STK10: variants seen among roughly 807,000 people sequenced by gnomAD.
STK10 encodes serine/threonine kinase 10, also known as serine/threonine-protein kinase 10.
A neutral mutation model predicts 113.8 loss-of-function variants in STK10; 78 were observed. The observed-to-expected ratio is 0.69, with a 90% confidence interval of 0.57 to 0.83. STK10 has a LOEUF of 0.83. STK10 is among the 40% of genes least tolerant of loss of function. STK10 has a pLI of 0.00. For missense variants in STK10, 1,109 were observed against 1,280.1 expected (o/e 0.87, Z 2.04); for synonymous variants, 465 against 494.7 (o/e 0.94, Z 0.80).
Position 172,057,431 on chromosome 5 carries a change from T to G in STK10, c.2255A>C (p.Gln752Pro). Reference protein sequence around the residue: ...ALWEMEEHQLQERHQLVKQQL... With the variant: ...ALWEMEEHQLPERHQLVKQQL... ...CTGCTTCACCAGCTGGTGCCTCTCC[T>G]GCAGCTGGTGCTCTTCCATCTCCCA... The change falls in exon 15 of 19, where the codon CAG becomes CCG. Residue 752 changes from glutamine (Q) to proline (P), a missense_variant. Around this residue, in one of 5 missense-constraint regions of STK10, gnomAD observed 885 missense variants for 991.1 expected, o/e 0.89. Transcript: ENST00000176763. 1 of 1,551,168 alleles carries G rather than the reference T, an allele frequency of 6.4e-7. No homozygotes were observed. Among genetic ancestry groups the G allele is most frequent in the Non-Finnish European group, 8.7e-7 (1 of 1,147,588 alleles).
At chr5:172,096,808 C>T (rs1289411571) in intron 7 of STK10, among the ~76,000 whole-genome samples, 7 of 152,188 alleles carry the variant, frequency 4.6e-5, no homozygotes, top group African/African-American at 1.7e-4. Context: ...GAGCCACAGG[C>T]TCCTCATCTC....
At chr5:172,092,656 A>T (rs1311403667) in intron 9 of STK10, 1 of 152,222 alleles carries the variant, frequency 6.6e-6, no homozygotes, top group African/African-American at 2.4e-5. Flanking sequence ...ACATTTGGGA[A>T]GGAAAAACAA....
chr5:172,150,047 CA>C (rs35745235), intron 2 of STK10, among the ~76,000 whole-genome samples: 1,874 of 87,098 alleles, frequency 0.022, 15 homozygotes, highest in Non-Finnish European at 0.03. Flanking sequence ...AACTTTGTCT[CA>C]AAAAAAAAAA....
chr5:172,059,833 T>A (rs1027648635), intron 14 of STK10, among the ~76,000 whole-genome samples: 2 of 152,146 alleles, frequency 1.3e-5, no homozygotes, highest in African/African-American at 4.8e-5. Context: ...TGCCATCTTG[T>A]GGTCATTTAT....
At chr5:172,142,893 G>C (rs766414586) in intron 2 of STK10, among the ~76,000 whole-genome samples, 4 of 152,168 alleles carry the variant, frequency 2.6e-5, no homozygotes, top group Non-Finnish European at 4.4e-5. Context: ...CTGGGTGGGT[G>C]GGGGGAAAGG....
At chr5:172,103,060 G>A (rs1264592933) in intron 7 of STK10, among the ~76,000 whole-genome samples, 1 of 152,238 alleles carries the variant, frequency 6.6e-6, no homozygotes, top group East Asian at 1.9e-4. Context: ...TCCGCCCAGG[G>A]CGGGACACAG....
intron 3 of STK10, 119 bp downstream of exon 3, chr5:172,127,254 G>A: frequency 9.4e-7 from 1 of 1,064,126 alleles, no homozygotes; most frequent in Non-Finnish European, 1.4e-6. Flanking sequence ...GAGGCCATGG[G>A]AACTGATGGA....
chr5:172,160,795 C>T (rs567605987), intron 1 of STK10, among the ~76,000 whole-genome samples: 2 of 152,262 alleles, frequency 1.3e-5, no homozygotes, highest in African/African-American at 2.4e-5. Flanking sequence ...CACAGACGGA[C>T]GTGCAAGTCC....
At chr5:172,048,414 T>TACACACACACACAC (rs370301917) in intron 18 of STK10, among the ~76,000 whole-genome samples, 13,430 of 128,208 alleles carry the variant, frequency 0.1, 1,091 homozygotes, top group Non-Finnish European at 0.13. Context: ...TCCCTCTCCC[T>TACACACACACACAC]ACACACACAC....
chr5:172,074,425 A>G (rs573793741), intron 12 of STK10, among the ~76,000 whole-genome samples: 2 of 152,342 alleles, frequency 1.3e-5, no homozygotes, highest in South Asian at 4.1e-4. Flanking sequence ...CAAAGGTACA[A>G]AAGCAATTCA....
At chr5:172,084,619 G>T (rs1000363007) in intron 10 of STK10, among the ~76,000 whole-genome samples, 5 of 151,716 alleles carry the variant, frequency 3.3e-5, no homozygotes, top group Non-Finnish European at 5.9e-5. Flanking sequence ...AAGGGAACTG[G>T]ATTTCTGGTA....
chr5:172,107,628 A>C (rs1015657385), intron 5 of STK10, 152 bp downstream of exon 5: 41 of 608,140 alleles, frequency 6.7e-5, no homozygotes, highest in Admixed American at 1.7e-4. Flanking sequence ...CGGGAAAGCT[A>C]AACAGCTTGT....
chr5:172,106,766 G>A lies in STK10; in HGVS notation c.642C>T (p.Tyr214=), dbSNP rs1383442564. The change falls in exon 6 of 19, where the codon TAC becomes TAT. Residue 214 remains tyrosine, a synonymous_variant. Transcript: ENST00000176763. ...GGGACCAGATGTCGGCTTTGTAGTC[G>A]TAGGGCGTGTCTTTCATGGTCTCAC... ...VMCETMKDTP[Y]DYKADIWSLG... is the part of the protein sequence containing the mutation. The A allele has an allele frequency of 2.5e-6, 4 of 1,614,162 alleles. No individual in the cohort carries two copies. The highest frequency in any genetic ancestry group is 2.5e-6 in the Non-Finnish European group (3 of 1,180,020).
chr5:172,152,212 G>A (rs926578735), intron 2 of STK10, among the ~76,000 whole-genome samples: 11 of 152,192 alleles, frequency 7.2e-5, no homozygotes, highest in South Asian at 2.1e-4. Context: ...TTTGAGCTCC[G>A]TGAGGCCAGA....
At chr5:172,050,150 T>C (rs1337968383) in intron 18 of STK10, among the ~76,000 whole-genome samples, 1 of 152,222 alleles carries the variant, frequency 6.6e-6, no homozygotes, top group Non-Finnish European at 1.5e-5. Flanking sequence ...ATAAAGCCAA[T>C]TGCACTTAAG....
intron 1 of STK10, among the ~76,000 whole-genome samples, chr5:172,173,939 G>A (rs6556000): frequency 0.14 from 21,789 of 152,172 alleles, 1,974 homozygotes; most frequent in East Asian, 0.29. Context: ...TCAAGATGCT[G>A]AGGATCAGAG....
intron 2 of STK10, among the ~76,000 whole-genome samples, chr5:172,146,734 T>A (rs903910989): frequency 1.3e-5 from 2 of 152,220 alleles, no homozygotes; most frequent in African/African-American, 4.8e-5. Flanking sequence ...CCACACCAAT[T>A]CAAATAGTAC....
Position 172,094,373 on chromosome 5 carries a change from A to G in STK10, c.1006-413T>C, listed in dbSNP as rs1768799843. 2.0e-5 allele frequency among the ~76,000 whole-genome samples: 3 copies of G among 151,730 alleles called. No homozygotes were observed. The South Asian group carries it at 6.2e-4, about 32-fold the overall frequency. On this transcript the variant is annotated intron_variant, in intron 8 of 18. Transcript: ENST00000176763. ...AATTTTTTATTTTATTTATTTATCTATTTTTTTGAGACAGGGTCTTGCTCT... is the reference window on the plus strand; with the variant it reads ...AATTTTTTATTTTATTTATTTATCTGTTTTTTTGAGACAGGGTCTTGCTCT...
intron 1 of STK10, among the ~76,000 whole-genome samples, chr5:172,177,521 T>C (rs34833912): frequency 0.43 from 65,952 of 152,054 alleles, 17,163 homozygotes; most frequent in African/African-American, 0.74. Flanking sequence ...GTGCCCAACA[T>C]GGCAGTCACT....
Sources: allele counts gnomAD v4.1 joint callset (sites outside exome capture counted in the v4.1 genomes callset), GRCh38; gene constraint gnomAD v4.1.1; regional missense constraint gnomAD v4.1.1; transcripts MANE v1.5; gene names NCBI Gene and HGNC (gene_info 2026-07-23, HGNC 2026-07-21).